The following GJB6 variants were observed in gnomAD, a reference collection of about 807,000 sequenced individuals.
The protein encoded by GJB6 is gap junction protein beta 6, also known as gap junction beta-6 protein.
In GJB6, 5 loss-of-function variants were observed where a neutral mutation model predicts 5.4. The ratio of observed to expected loss-of-function variants is 0.92; its 90% CI spans 0.48 to 1.93. The LOEUF (loss-of-function observed/expected upper bound fraction) is 1.93. Ranked by LOEUF, GJB6 falls within the 30% of genes most tolerant of loss-of-function variation. The probability of loss-of-function intolerance (pLI) is 0.01; values close to 1 mark genes in which losing one functional copy is unlikely to be tolerated. For missense variants in GJB6, 298 were observed against 326.9 expected, an observed-to-expected ratio of 0.91 and a Z score of 0.68; for synonymous variants, 136 against 129.6, an observed-to-expected ratio of 1.05 and a Z score of -0.34.
chr13:20,223,621 C>T lies in GJB6; in HGVS notation c.-15-126G>A, dbSNP rs1869382037. ...CTGTGATACTTTACAACTTCAACTC[C>T]CTGCCCTGCTAGTCTGAGGTTTTCT... is the stretch of plus-strand genomic sequence containing the variant. On this transcript the variant is annotated intron_variant, in intron 4 of 4. Coordinates refer to ENST00000647029, the MANE Select transcript of GJB6 (RefSeq NM_001110219.3). 3.9e-6 allele frequency: 3 copies of T among 772,388 alleles called. No homozygotes were observed. In the South Asian group the frequency reaches 4.3e-5, roughly 11 times the overall value. 47.8% of individuals were successfully genotyped at this position (772,388 alleles called of 1,614,324 possible). A position where few individuals can be genotyped will look rare whatever the true frequency, so the allele number is the denominator to read the frequency against.
At position 20,222,429 on chromosome 13, in the gene GJB6, CAG is replaced by C; in HGVS notation, c.*264_*265del. ...AATTTTCAGAAAGTACCCACTTTGT[CAG>C]AGAGTCCACTTAAAAGGAACCTGTC... On this transcript the variant is annotated 3_prime_UTR_variant, in exon 5 of 5. Transcript: ENST00000647029. 2.2e-6 allele frequency: 1 copy of C among 453,356 alleles called. No homozygotes were observed. The highest frequency in any genetic ancestry group is 3.9e-6 in the Non-Finnish European group (1 of 254,794). 28.1% of individuals were successfully genotyped at this position (453,356 alleles called of 1,614,324 possible). A position where few individuals can be genotyped will look rare whatever the true frequency, so the allele number is the denominator to read the frequency against.
intron 4 of GJB6, among the ~76,000 whole-genome samples, chr13:20,227,842 G>A (rs1188301217): frequency 3.9e-5 from 6 of 152,210 alleles, no homozygotes; most frequent in Admixed American, 3.9e-4. Flanking sequence ...CCCATTCAAG[G>A]AGCGGTGGGA....
intron 4 of GJB6, among the ~76,000 whole-genome samples, chr13:20,226,179 G>A (rs1869564650): frequency 1.3e-5 from 2 of 152,054 alleles, no homozygotes; most frequent in African/African-American, 4.8e-5. Context: ...AAGACGCTGA[G>A]GCACAGGGCG....
rs1245678537 is a variant in GJB6, at chr13:20,228,523, G to C, written c.-16+1057C>G. ...TTTTGAGATGGAGTCTAGCTCTGTTGCCCAAGCTGGAGTACCGTGGCACGA... is the reference window on the plus strand; with the variant it reads ...TTTTGAGATGGAGTCTAGCTCTGTTCCCCAAGCTGGAGTACCGTGGCACGA... On this transcript the variant is annotated intron_variant, in intron 4 of 4. Transcript: ENST00000647029. Among the ~76,000 whole-genome samples the C allele has an allele frequency of 2.7e-5, 4 of 147,978 alleles. No individual in the cohort carries two copies. The East Asian group carries it at 7.9e-4, about 29-fold the overall frequency.
intron 4 of GJB6, among the ~76,000 whole-genome samples, chr13:20,223,975 A>C (rs1013714905): frequency 2.6e-5 from 4 of 152,132 alleles, no homozygotes; most frequent in African/African-American, 9.7e-5. Context: ...TCTCGAAAAA[A>C]AAAAAATTAT....
At chr13:20,226,713 G>A (rs539843953) in intron 4 of GJB6, among the ~76,000 whole-genome samples, 10 of 152,262 alleles carry the variant, frequency 6.6e-5, no homozygotes, top group Admixed American at 2.6e-4. Flanking sequence ...GTTCACCTAT[G>A]GGGTCAGTCC....
chr13:20,226,110 A>G (rs1241178403), intron 4 of GJB6, among the ~76,000 whole-genome samples: 1 of 152,064 alleles, frequency 6.6e-6, no homozygotes, highest in Non-Finnish European at 1.5e-5. Context: ...GTGTGGACAG[A>G]TGGAAGAGGC....
At chr13:20,228,809 T>G (rs938091649) in intron 4 of GJB6, among the ~76,000 whole-genome samples, 1 of 152,078 alleles carries the variant, frequency 6.6e-6, no homozygotes, top group Non-Finnish European at 1.5e-5. Context: ...ATACTAAAGC[T>G]CCAGTCTGAA....
chr13:20,228,753 G>C (rs924972073), intron 4 of GJB6, among the ~76,000 whole-genome samples: 3 of 151,688 alleles, frequency 2.0e-5, no homozygotes, highest in African/African-American at 4.8e-5. Context: ...CAAAGTGCTG[G>C]GATTACAAGC....
rs753705476 is a variant in GJB6, at chr13:20,223,187, G to T, written c.294C>A (p.Tyr98Ter). Residue 98 changes from tyrosine to a stop codon, truncating the protein, a stop_gained, in exon 5 of 5, where the codon TAC (tyrosine) becomes TAA (stop). Coordinates refer to ENST00000647029, the MANE Select transcript of GJB6 (RefSeq NM_001110219.3). LOFTEE classifies it low-confidence loss of function (END_TRUNC). ...TGAACTTGCGAGTGGTTTCGTGCCT[G>T]TAGTAGGCCACATGCATGGCCACCA... is the stretch of plus-strand genomic sequence containing the variant. ...ALLVAMHVAY[Y>*]RHETTRKFRR... The T allele has an allele frequency of 6.2e-7, 1 of 1,612,294 alleles. No individual in the cohort carries two copies. Among genetic ancestry groups the T allele is most frequent in the Non-Finnish European group, 8.5e-7 (1 of 1,178,576 alleles).
intron 4 of GJB6, among the ~76,000 whole-genome samples, chr13:20,229,000 T>A (rs1869843953): frequency 6.6e-6 from 1 of 151,844 alleles, no homozygotes; most frequent in South Asian, 2.1e-4. Context: ...CACAACTAGC[T>A]TATTTATCTA....
chr13:20,230,195 A>G (rs551847290), intron 3 of GJB6: 1 of 152,310 alleles, frequency 6.6e-6, no homozygotes, highest in Admixed American at 6.5e-5. Context: ...GTGACAAAAA[A>G]CTTCAGCAAC....
chr13:20,226,236 A>G (rs1346837622), intron 4 of GJB6, among the ~76,000 whole-genome samples: 1 of 151,844 alleles, frequency 6.6e-6, no homozygotes, highest in African/African-American at 2.4e-5. Flanking sequence ...GCGTGGATCT[A>G]GGACTAAGAA....
intron 4 of GJB6, among the ~76,000 whole-genome samples, chr13:20,228,725 C>G (rs1317161073): frequency 6.6e-6 from 1 of 151,530 alleles, no homozygotes; most frequent in Non-Finnish European, 1.5e-5. Context: ...ACCTCATGAT[C>G]CGCCCCCCTT....
chr13:20,226,822 T>C (rs563132518), intron 4 of GJB6, among the ~76,000 whole-genome samples: 129 of 152,322 alleles, frequency 8.5e-4, no homozygotes, highest in African/African-American at 2.8e-3. Context: ...GTTTGATTTA[T>C]CAAAAAATGG....
At chr13:20,225,823 T>G (rs1452870011) in intron 4 of GJB6, 1 of 152,218 alleles carries the variant, frequency 6.6e-6, no homozygotes, top group African/African-American at 2.4e-5. Flanking sequence ...CACAATGGTC[T>G]TTGTTGCCGC....
chr13:20,228,028 C>T (rs1869714891), intron 4 of GJB6, among the ~76,000 whole-genome samples: 1 of 152,184 alleles, frequency 6.6e-6, no homozygotes, highest in South Asian at 2.1e-4. Context: ...CCAGGTTCTC[C>T]CTTGTAAAAA....
At chr13:20,228,676 G>A (rs1179750842) in intron 4 of GJB6, among the ~76,000 whole-genome samples, 7 of 105,684 alleles carry the variant, frequency 6.6e-5, no homozygotes, top group East Asian at 6.9e-4. Context: ...AGTAGAGACG[G>A]GGTTTCACCG....
chr13:20,227,671 C>G (rs369732091), intron 4 of GJB6, among the ~76,000 whole-genome samples: 1 of 152,184 alleles, frequency 6.6e-6, no homozygotes, highest in African/African-American at 2.4e-5. Flanking sequence ...ATCTGCCGTG[C>G]GTATCATTCT....
Sources: allele counts gnomAD v4.1 joint callset (sites outside exome capture counted in the v4.1 genomes callset), GRCh38; gene constraint gnomAD v4.1.1; transcripts MANE v1.5; gene names NCBI Gene and HGNC (gene_info 2026-07-23, HGNC 2026-07-21).